Variants in CHODL observed in about 807,000 individuals in gnomAD.
The protein encoded by CHODL is transmembrane protein MT75.
CHODL carries 29 observed loss-of-function variants against 34.5 expected under a neutral mutation model. The observed-to-expected ratio is 0.84, with a 90% CI of 0.63 to 1.15. The LOEUF is 1.15. Among genes scored for constraint, CHODL ranks in the 50% most tolerant of loss-of-function variants. The pLI is 0.00. For synonymous variants in CHODL, 125 were observed against 116.1 expected (o/e 1.08, Z -0.49); for missense variants, 332 against 332.5 (o/e 1.00, Z 0.01).
intron 1 of CHODL, 151 bp downstream of exon 1, chr21:18,245,453 C>T (rs1373215233): frequency 6.4e-6 from 4 of 628,466 alleles, no homozygotes; most frequent in Non-Finnish European, 8.0e-6. Context: ...ATTGATTGTG[C>T]TGTTCTCCTC....
intron 2 of CHODL, among the ~76,000 whole-genome samples, chr21:18,173,981 A>T (rs147655570): frequency 6.6e-6 from 1 of 150,930 alleles, no homozygotes; most frequent in African/African-American, 2.4e-5. Context: ...AAATTTTAAA[A>T]ACGAGTTTCT....
chr21:18,097,917 A>G (rs1190985818), intron 2 of CHODL, among the ~76,000 whole-genome samples: 1 of 152,114 alleles, frequency 6.6e-6, no homozygotes, highest in Non-Finnish European at 1.5e-5. Context: ...AAATTCACAC[A>G]CCTGCAGTAA....
intron 1 of CHODL, among the ~76,000 whole-genome samples, chr21:18,016,619 C>A (rs1333249409): frequency 1.3e-5 from 2 of 152,304 alleles, no homozygotes; most frequent in East Asian, 1.9e-4. Context: ...AGGTTGTAGT[C>A]CCCACATAGA....
chr21:17,989,819 A>G (rs955388952), intron 1 of CHODL, among the ~76,000 whole-genome samples: 1 of 152,254 alleles, frequency 6.6e-6, no homozygotes, highest in Middle Eastern at 3.4e-3. Context: ...TATTTGTCAA[A>G]CTCGTTGATT....
intron 2 of CHODL, among the ~76,000 whole-genome samples, chr21:18,111,775 A>G (rs1016621291): frequency 3.9e-5 from 6 of 152,234 alleles, no homozygotes; most frequent in Admixed American, 3.3e-4. Flanking sequence ...AATTATAAAG[A>G]AATTTTACCA....
At chr21:18,144,235 T>G (rs1485365521) in intron 2 of CHODL, among the ~76,000 whole-genome samples, 1 of 152,156 alleles carries the variant, frequency 6.6e-6, no homozygotes. Flanking sequence ...GAGAGGATAA[T>G]TCTTTATATT....
At chr21:18,143,725 T>C (rs1165907036) in intron 2 of CHODL, among the ~76,000 whole-genome samples, 7 of 152,062 alleles carry the variant, frequency 4.6e-5, no homozygotes, top group Admixed American at 3.9e-4. Context: ...TAATGCTAGG[T>C]GATAGTTGGC....
At chr21:18,093,777 G>C (rs1037117715) in intron 2 of CHODL, among the ~76,000 whole-genome samples, 3 of 151,946 alleles carry the variant, frequency 2.0e-5, no homozygotes, top group African/African-American at 7.2e-5. Flanking sequence ...CATACCACCA[G>C]AGAAAATCAC....
intron 2 of CHODL, among the ~76,000 whole-genome samples, chr21:18,216,861 C>T (rs2073834617): frequency 1.3e-5 from 2 of 152,124 alleles, no homozygotes; most frequent in Admixed American, 1.3e-4. Flanking sequence ...ATCATAAGAA[C>T]AGCATGGGGG....
chr21:18,257,190 CTTTAAT>C lies in CHODL; in HGVS notation c.547+67_547+72del, dbSNP rs1378269226. The C allele has an allele frequency of 6.9e-6, 10 of 1,456,668 alleles. No homozygotes were observed. In the African/African-American group the frequency reaches 1.4e-4, roughly 21 times the overall value. 90.2% of individuals were successfully genotyped at this position (1,456,668 alleles called of 1,614,324 possible). A position where few individuals can be genotyped will look rare whatever the true frequency, so the allele number is the denominator to read the frequency against. ...CATGTTTAATTGTATTAAGTTTTGT[CTTTAAT>C]TTTGACTACCTGTGGCTCTTTTTGT... is the stretch of plus-strand genomic sequence containing the variant. On this transcript the variant is annotated intron_variant, in intron 3 of 5. Coordinates refer to ENST00000299295, the MANE Select transcript of CHODL (RefSeq NM_024944.3).
intron 2 of CHODL, among the ~76,000 whole-genome samples, chr21:18,182,114 T>C (rs1288063875): frequency 6.6e-6 from 1 of 152,230 alleles, no homozygotes; most frequent in Non-Finnish European, 1.5e-5. Context: ...AATATGTTCA[T>C]GCTGTTTATT....
At chr21:17,961,864 G>A (rs1432613353) in intron 1 of CHODL, among the ~76,000 whole-genome samples, 3 of 152,164 alleles carry the variant, frequency 2.0e-5, no homozygotes, top group Non-Finnish European at 2.9e-5. Flanking sequence ...AACAGTGAAT[G>A]GGCTCATTTG....
chr21:18,148,334 A>G (rs1340190807), intron 2 of CHODL, among the ~76,000 whole-genome samples: 1 of 152,238 alleles, frequency 6.6e-6, no homozygotes, highest in Admixed American at 6.5e-5. Flanking sequence ...ATCTTTTGAA[A>G]AGATATCATT....
rs568653082 is a variant in CHODL at position 17,936,881 on chromosome 21, C to T, written c.-145+19481C>T. Among the ~76,000 whole-genome samples the T allele has an allele frequency of 1.2e-3, 179 of 152,180 alleles. 2 individuals carry two copies. Among genetic ancestry groups the T allele is most frequent in the African/African-American group, 3.9e-3 (163 of 41,510 alleles). ...ATGAGGTCAGGAGTTTGAGACCAGCCTGGCCAACATGGTGAATCTCTTTCT... is the reference window on the plus strand; with the variant it reads ...ATGAGGTCAGGAGTTTGAGACCAGCTTGGCCAACATGGTGAATCTCTTTCT... On this transcript the variant is annotated intron_variant, in intron 1 of 6. Transcript: ENST00000400127.
chr21:17,929,626 G>A (rs758536717), intron 1 of CHODL, among the ~76,000 whole-genome samples: 5 of 152,194 alleles, frequency 3.3e-5, no homozygotes, highest in Non-Finnish European at 5.9e-5. Flanking sequence ...AACCCCTGGG[G>A]CCCCACTCCC....
At chr21:18,207,132 G>A (rs988259771) in intron 2 of CHODL, among the ~76,000 whole-genome samples, 2 of 152,034 alleles carry the variant, frequency 1.3e-5, no homozygotes, top group Admixed American at 6.6e-5. Context: ...AGAACATGCC[G>A]TGTTTGGTTT....
At chr21:18,075,971 C>T (rs1473570614) in intron 2 of CHODL, among the ~76,000 whole-genome samples, 2 of 152,132 alleles carry the variant, frequency 1.3e-5, no homozygotes, top group African/African-American at 2.4e-5. Context: ...AGGACGTGAG[C>T]CCTTCCCAGA....
chr21:18,081,348 T>G (rs2064939350), intron 2 of CHODL, among the ~76,000 whole-genome samples: 1 of 152,160 alleles, frequency 6.6e-6, no homozygotes, highest in Non-Finnish European at 1.5e-5. Context: ...CTTGCCTGAT[T>G]ACTCCAGTGA....
At chr21:17,988,068 G>GT (rs34655608) in intron 1 of CHODL, among the ~76,000 whole-genome samples, 82,219 of 151,926 alleles carry the variant, frequency 0.54, 23,124 homozygotes, top group African/African-American at 0.69. Context: ...AAGTCATTAT[G>GT]AAAATATAAT....
Sources: gnomAD v4.1 joint callset for allele counts (sites outside exome capture counted in the v4.1 genomes callset) on GRCh38, gnomAD v4.1.1 for gene constraint, MANE v1.5 for transcripts, NCBI Gene and HGNC (gene_info 2026-07-23, HGNC 2026-07-21) for gene names.